RREB1: variants seen among roughly 807,000 people sequenced by gnomAD.
The protein encoded by RREB1 is ras responsive element binding protein 1.
In RREB1, 27 loss-of-function variants were observed where a neutral mutation model predicts 117.8. That is an observed-to-expected ratio of 0.23 (90% confidence interval 0.17 to 0.32). The LOEUF is 0.32. Ranked by LOEUF, RREB1 falls within the 10% of genes least tolerant of loss-of-function variation. The pLI, the probability that RREB1 is intolerant of heterozygous loss-of-function variation, is 1.00. For synonymous variants in RREB1, 1,298 were observed against 1,026.7 expected, an observed-to-expected ratio of 1.26 and a Z score of -5.05; for missense variants, 2,577 against 2,378.2, an observed-to-expected ratio of 1.08 and a Z score of -1.74.
At chr6:7,185,029 A>G (rs2326881) in intron 4 of RREB1, 152,184 of 152,202 alleles carry the variant, frequency 1, 76,083 homozygotes, top group Middle Eastern at 1. Flanking sequence ...CCCCACACCC[A>G]TGCCCCCATG....
intron 6 of RREB1, among the ~76,000 whole-genome samples, chr6:7,193,994 A>G (rs1177563022): frequency 6.6e-6 from 1 of 152,194 alleles, no homozygotes; most frequent in Non-Finnish European, 1.5e-5. Flanking sequence ...TTCTCAACAC[A>G]ATTCTGTGCT....
rs1281137907 is a variant in RREB1, at chr6:7,147,855, A to G, written c.-284-28800A>G. On this transcript the variant is annotated intron_variant, in intron 1 of 12. Transcript: ENST00000379938. ...CCTCAGAAACATCAGTGAGTTCAGG[A>G]AAAAAAAAAAAAAGTTTGTGTTTTA... Among the ~76,000 whole-genome samples the G allele has an allele frequency of 3.7e-5, 5 of 134,214 alleles. No homozygotes were observed. The South Asian group carries it at 6.7e-4, about 18-fold the overall frequency. 88.0% of individuals were successfully genotyped at this position (134,214 alleles called of 152,430 possible).
rs530973286 is a variant in RREB1 at position 7,141,278 on chromosome 6, C to T, written c.-285+33218C>T. Among the ~76,000 whole-genome samples, 683 of 152,274 alleles carry T rather than the reference C, an allele frequency of 4.5e-3. 6 individuals are homozygous for T. Among genetic ancestry groups the T allele is most frequent in the Middle Eastern group, 0.017 (5 of 292 alleles). ...GTGTTCGTTCGCGCTGGCGTTCCCC[C>T]GTGAGTAGAGCCGCGTCTTCCAGCG... is the stretch of plus-strand genomic sequence containing the variant. On this transcript the variant is annotated intron_variant, in intron 1 of 12. Transcript: ENST00000379938.
At chr6:7,212,494 G>A (rs1239744914) in intron 8 of RREB1, 1 of 152,168 alleles carries the variant, frequency 6.6e-6, no homozygotes, top group Admixed American at 6.5e-5. Flanking sequence ...TATTCCTAGA[G>A]AATTGCCACT....
At chr6:7,109,072 G>A (rs1464127417) in intron 1 of RREB1, among the ~76,000 whole-genome samples, 1 of 151,822 alleles carries the variant, frequency 6.6e-6, no homozygotes, top group Admixed American at 6.5e-5. Flanking sequence ...GAAGGAGGCC[G>A]GGAGCATCCG....
intron 1 of RREB1, among the ~76,000 whole-genome samples, chr6:7,140,474 T>C (rs1403951535): frequency 6.6e-6 from 1 of 152,248 alleles, no homozygotes; most frequent in Admixed American, 6.5e-5. Flanking sequence ...AGATGAAATC[T>C]GAAACACAGA....
intron 1 of RREB1, among the ~76,000 whole-genome samples, chr6:7,139,981 T>C (rs1031636560): frequency 1.3e-5 from 2 of 152,210 alleles, no homozygotes; most frequent in African/African-American, 4.8e-5. Flanking sequence ...ACTACTTTTA[T>C]CAGAGCTTGC....
At chr6:7,150,518 TG>T (rs1371084286) in intron 1 of RREB1, among the ~76,000 whole-genome samples, 6 of 152,166 alleles carry the variant, frequency 3.9e-5, no homozygotes, top group African/African-American at 1.4e-4. Flanking sequence ...ACCTCCTGAT[TG>T]CTATGCTGAA....
chr6:7,116,967 C>T (rs1761426299), intron 1 of RREB1, among the ~76,000 whole-genome samples: 1 of 152,140 alleles, frequency 6.6e-6, no homozygotes, highest in Non-Finnish European at 1.5e-5. Context: ...CCCATTTTCT[C>T]TGCTTAGTTA....
intron 11 of RREB1, among the ~76,000 whole-genome samples, chr6:7,245,083 C>A (rs575766753): frequency 1.3e-5 from 2 of 152,326 alleles, no homozygotes; most frequent in South Asian, 2.1e-4. Context: ...ATCAGAGGAA[C>A]TTGAATCCCT....
intron 5 of RREB1, among the ~76,000 whole-genome samples, chr6:7,188,665 C>G (rs1765236152): frequency 6.6e-6 from 1 of 152,086 alleles, no homozygotes; most frequent in Non-Finnish European, 1.5e-5. Context: ...ACTAAAGTAA[C>G]TCGGGTTTGA....
At chr6:7,131,178 G>A (rs549100975) in intron 1 of RREB1, among the ~76,000 whole-genome samples, 6 of 151,646 alleles carry the variant, frequency 4.0e-5, no homozygotes, top group Non-Finnish European at 7.4e-5. Flanking sequence ...CATCCACGTC[G>A]GCCTCCCAAA....
chr6:7,250,851 G>A lies in RREB1; in HGVS notation c.*1883G>A, dbSNP rs1489031802. ...ATATATGATTTTTAACTGTATTAGG[G>A]GTGTATGAACCAGTTTAAAAACGAG... On this transcript the variant is annotated 3_prime_UTR_variant, in exon 13 of 13. Coordinates refer to ENST00000379938, the MANE Select transcript of RREB1 (RefSeq NM_001003699.4). 1 of 151,982 alleles carries A rather than the reference G, an allele frequency of 6.6e-6. No homozygotes were observed. Among genetic ancestry groups the A allele is most frequent in the East Asian group, 1.9e-4 (1 of 5,188 alleles). 9.4% of individuals were successfully genotyped at this position (151,982 alleles called of 1,614,324 possible).
intron 12 of RREB1, 132 bp from the exon 13 acceptor site, chr6:7,248,379 C>T: frequency 1.4e-6 from 1 of 704,690 alleles, no homozygotes; most frequent in Non-Finnish European, 2.4e-6. Context: ...AAGGAAGAGG[C>T]CTCTGGCTGA....
chr6:7,188,226 CGTGT>C (rs149501678), intron 5 of RREB1, among the ~76,000 whole-genome samples: 5,600 of 149,398 alleles, frequency 0.037, 132 homozygotes, highest in Non-Finnish European at 0.05. Flanking sequence ...CCCCCCCACA[CGTGT>C]GTGTGTGTGT....
chr6:7,243,844 A>G (rs892781102), intron 11 of RREB1, among the ~76,000 whole-genome samples: 9 of 152,156 alleles, frequency 5.9e-5, no homozygotes, highest in African/African-American at 1.9e-4. Context: ...TTAAAGCTCT[A>G]TCATGTTAAA....
At chr6:7,156,467 C>T (rs1191422597) in intron 1 of RREB1, among the ~76,000 whole-genome samples, 1 of 152,216 alleles carries the variant, frequency 6.6e-6, no homozygotes, top group Non-Finnish European at 1.5e-5. Flanking sequence ...CTTTTTGCCT[C>T]TTAAGAGGGA....
At chr6:7,112,972 G>C (rs1172839396) in intron 1 of RREB1, among the ~76,000 whole-genome samples, 3 of 152,206 alleles carry the variant, frequency 2.0e-5, no homozygotes, top group South Asian at 4.1e-4. Flanking sequence ...TCTTATTTCT[G>C]GTGGGACTTC....
chr6:7,154,735 A>T (rs559233638), intron 1 of RREB1, among the ~76,000 whole-genome samples: 23 of 152,290 alleles, frequency 1.5e-4, no homozygotes, highest in African/African-American at 5.5e-4. Flanking sequence ...GTGGTTCCAG[A>T]GCCTACTCCT....
Sources: gnomAD v4.1 joint callset for allele counts (sites outside exome capture counted in the v4.1 genomes callset) on GRCh38, gnomAD v4.1.1 for gene constraint, MANE v1.5 for transcripts, NCBI Gene and HGNC (gene_info 2026-07-23, HGNC 2026-07-21) for gene names.